Variants in ZNF804B observed in about 807,000 individuals in gnomAD.
ZNF804B encodes zinc finger protein 804B, also known as zinc finger 804B.
ZNF804B carries 80 observed loss-of-function variants against 101.4 expected under a neutral mutation model. The ratio of observed to expected loss-of-function variants is 0.79; its 90% CI spans 0.66 to 0.95. The LOEUF (loss-of-function observed/expected upper bound fraction) is 0.95. ZNF804B is among the 40% of genes least tolerant of loss of function. The pLI is 0.00. For missense variants in ZNF804B, 1,673 were observed against 1,561.9 expected (o/e 1.07, Z -1.20); for synonymous variants, 622 against 558.8 (o/e 1.11, Z -1.59).
intron 1 of ZNF804B, among the ~76,000 whole-genome samples, chr7:88,870,891 A>C (rs1791812444): frequency 6.6e-6 from 1 of 152,178 alleles, no homozygotes; most frequent in South Asian, 2.1e-4. Context: ...TTCTGTCTGT[A>C]TTATTGATGA....
chr7:89,302,165 G>A (rs1264149042), intron 2 of ZNF804B, among the ~76,000 whole-genome samples: 1 of 151,794 alleles, frequency 6.6e-6, no homozygotes, highest in East Asian at 1.9e-4. Flanking sequence ...ACATTCTGCT[G>A]TGCAATAAGA....
intron 1 of ZNF804B, among the ~76,000 whole-genome samples, chr7:89,146,507 A>G (rs1790792674): frequency 6.6e-6 from 1 of 152,130 alleles, no homozygotes; most frequent in Non-Finnish European, 1.5e-5. Flanking sequence ...AAATAAAGTC[A>G]TTCAAATATT....
chr7:88,802,513 A>G (rs7789647), intron 1 of ZNF804B, among the ~76,000 whole-genome samples: 1 of 152,052 alleles, frequency 6.6e-6, no homozygotes, highest in Non-Finnish European at 1.5e-5. Context: ...AAGAAAAAAA[A>G]CTACTCTGGA....
intron 1 of ZNF804B, among the ~76,000 whole-genome samples, chr7:89,163,212 A>T (rs990815825): frequency 2.0e-5 from 3 of 152,160 alleles, no homozygotes; most frequent in Admixed American, 6.6e-5. Context: ...CCAGTAAGTA[A>T]CATTATCATC....
intron 2 of ZNF804B, among the ~76,000 whole-genome samples, chr7:89,274,100 G>A (rs563520879): frequency 1.3e-5 from 2 of 150,926 alleles, no homozygotes; most frequent in South Asian, 2.1e-4. Context: ...TACCAAAATC[G>A]GCAGCACTAT....
At chr7:89,275,460 T>C (rs1306814759) in intron 2 of ZNF804B, among the ~76,000 whole-genome samples, 1 of 151,898 alleles carries the variant, frequency 6.6e-6, no homozygotes, top group Non-Finnish European at 1.5e-5. Context: ...TGGATAATGA[T>C]CTGGTGCTTC....
At chr7:88,853,913 A>T (rs1791482954) in intron 1 of ZNF804B, among the ~76,000 whole-genome samples, 1 of 152,104 alleles carries the variant, frequency 6.6e-6, no homozygotes, top group South Asian at 2.1e-4. Context: ...TATTGGTGCT[A>T]ATGATAAGAT....
intron 1 of ZNF804B, among the ~76,000 whole-genome samples, chr7:89,018,781 A>T (rs1788612362): frequency 6.6e-6 from 1 of 151,976 alleles, no homozygotes; most frequent in East Asian, 1.9e-4. Context: ...AATTTGTTGG[A>T]TACAGTTGTT....
intron 1 of ZNF804B, among the ~76,000 whole-genome samples, chr7:88,817,836 A>G (rs1424947795): frequency 1.3e-5 from 2 of 152,186 alleles, no homozygotes; most frequent in African/African-American, 4.8e-5. Context: ...CCTGAACTGA[A>G]CTGTTATTCC....
At chr7:88,971,117 G>C (rs1793532314) in intron 1 of ZNF804B, among the ~76,000 whole-genome samples, 1 of 151,286 alleles carries the variant, frequency 6.6e-6, no homozygotes, top group South Asian at 2.1e-4. Context: ...AGTTGCAACA[G>C]CTAGCAGATG....
chr7:88,972,918 T>C (rs1278884439), intron 1 of ZNF804B, among the ~76,000 whole-genome samples: 1 of 151,458 alleles, frequency 6.6e-6, no homozygotes, highest in African/African-American at 2.4e-5. Context: ...CAAACTTCTT[T>C]GTTAACAAGG....
At chr7:89,101,419 T>C (rs1451739945) in intron 1 of ZNF804B, among the ~76,000 whole-genome samples, 1 of 152,028 alleles carries the variant, frequency 6.6e-6, no homozygotes, top group African/African-American at 2.4e-5. Flanking sequence ...GTAGTTTTAA[T>C]GATGAACATA....
intron 1 of ZNF804B, among the ~76,000 whole-genome samples, chr7:88,985,434 G>A (rs966669085): frequency 6.6e-6 from 1 of 151,972 alleles, no homozygotes; most frequent in South Asian, 2.1e-4. Context: ...GTTGTCTGTG[G>A]ACTATTAGGA....
intron 1 of ZNF804B, among the ~76,000 whole-genome samples, chr7:89,019,943 C>A (rs906296541): frequency 1.3e-5 from 2 of 150,226 alleles, no homozygotes; most frequent in African/African-American, 4.9e-5. Context: ...TCAATTTATA[C>A]CCAAGGATAT....
At chr7:88,991,254 A>AG (rs1290729040) in intron 1 of ZNF804B, among the ~76,000 whole-genome samples, 2 of 152,278 alleles carry the variant, frequency 1.3e-5, no homozygotes, top group East Asian at 3.9e-4. Flanking sequence ...TGTTTGAAAA[A>AG]GTATCCCTGC....
At chr7:89,127,851 A>T (rs1790496076) in intron 1 of ZNF804B, among the ~76,000 whole-genome samples, 2 of 151,560 alleles carry the variant, frequency 1.3e-5, no homozygotes, top group South Asian at 2.1e-4. Context: ...TCAGACAATA[A>T]AAAAGGTAAA....
At chr7:89,182,336 T>C (rs1475451270) in intron 1 of ZNF804B, among the ~76,000 whole-genome samples, 1 of 152,178 alleles carries the variant, frequency 6.6e-6, no homozygotes, top group East Asian at 1.9e-4. Context: ...TACAGCATAT[T>C]TTCCTGTTCA....
chr7:88,935,792 T>A (rs970033878), intron 1 of ZNF804B, among the ~76,000 whole-genome samples: 3 of 151,938 alleles, frequency 2.0e-5, no homozygotes, highest in African/African-American at 7.2e-5. Flanking sequence ...AAAAATTTTT[T>A]TATCCTATTT....
chr7:89,012,743 CA>C (rs1788484031), intron 1 of ZNF804B, among the ~76,000 whole-genome samples: 1 of 152,160 alleles, frequency 6.6e-6, no homozygotes, highest in Admixed American at 6.5e-5. Flanking sequence ...CTAAACTGTT[CA>C]AACCTCTGCC....
Sources: allele counts gnomAD v4.1 joint callset (sites outside exome capture counted in the v4.1 genomes callset), GRCh38; gene constraint gnomAD v4.1.1; transcripts MANE v1.5; gene names NCBI Gene and HGNC (gene_info 2026-07-23, HGNC 2026-07-21).